Variants in ABCG8 observed in about 807,000 individuals in gnomAD.
ABCG8 encodes the protein ATP binding cassette subfamily G member 8.
In ABCG8, 81 loss-of-function variants were observed where a neutral mutation model predicts 71.3. The observed-to-expected ratio is 1.14, with a 90% CI of 0.95 to 1.37. The LOEUF (loss-of-function observed/expected upper bound fraction) is 1.37, where lower values mean the gene tolerates loss of function less well. ABCG8 is among the 40% of genes most tolerant of loss of function. The pLI is 0.00. For missense variants in ABCG8, 1,119 were observed against 866.2 expected (o/e 1.29, Z -3.66); for synonymous variants, 451 against 354.7 (o/e 1.27, Z -3.05).
chr2:43,862,902 G>T (rs958654168), intron 6 of ABCG8, among the ~76,000 whole-genome samples: 13 of 149,574 alleles, frequency 8.7e-5, no homozygotes, highest in African/African-American at 3.2e-4. Flanking sequence ...TCACCATCTG[G>T]AAACAACTCT....
intron 6 of ABCG8, among the ~76,000 whole-genome samples, chr2:43,866,731 CTTTTA>C (rs1558839415): frequency 7.3e-5 from 11 of 151,434 alleles, no homozygotes; most frequent in African/African-American, 2.7e-4. Context: ...AATAGGAACA[CTTTTA>C]CACTGTTGGT....
intron 6 of ABCG8, among the ~76,000 whole-genome samples, chr2:43,856,142 C>G (rs1669097780): frequency 6.6e-6 from 1 of 152,160 alleles, no homozygotes; most frequent in East Asian, 1.9e-4. Context: ...CACTATGTAT[C>G]TGGATAGAGT....
chr2:43,874,278 T>TAAA, intron 9 of ABCG8, 129 bp from the exon 10 acceptor site: 1 of 735,628 alleles, frequency 1.4e-6, no homozygotes, highest in Admixed American at 2.3e-5. Flanking sequence ...TGTGCCTATT[T>TAAA]AAAAAAAAAA....
chr2:43,875,105 A>T, intron 10 of ABCG8, 41 bp from the exon 11 acceptor site: 2 of 1,613,934 alleles, frequency 1.2e-6, no homozygotes, highest in Non-Finnish European at 1.7e-6. Flanking sequence ...ATGGCAGTGA[A>T]GGTGCTGGCT....
chr2:43,840,408 C>T (rs1668540706), intron 1 of ABCG8, among the ~76,000 whole-genome samples: 1 of 152,204 alleles, frequency 6.6e-6, no homozygotes, highest in South Asian at 2.1e-4. Context: ...GACGATTCAG[C>T]CACCACAGCT....
chr2:43,863,147 C>A (rs1395379902), intron 6 of ABCG8, among the ~76,000 whole-genome samples: 1 of 149,764 alleles, frequency 6.7e-6, no homozygotes, highest in African/African-American at 2.5e-5. Flanking sequence ...ATAACTCTCA[C>A]TATCTGGATA....
intron 8 of ABCG8, 117 bp downstream of exon 8, chr2:43,872,423 G>GA (rs1266320336): frequency 3.5e-5 from 43 of 1,215,716 alleles, no homozygotes; most frequent in South Asian, 1.0e-4. Flanking sequence ...AGAGTCATTT[G>GA]AAAAAAACAG....
Position 43,839,088 on chromosome 2 carries a change from C to T in ABCG8, c.35C>T (p.Pro12Leu), listed in dbSNP as rs760005338. The change falls in exon 1 of 13, where the codon CCG becomes CTG. Residue 12 changes from proline to leucine, a missense_variant. Pro to Leu is a moderately conservative substitution (Grantham distance 98, BLOSUM62 -3). Coordinates refer to ENST00000272286, the MANE Select transcript of ABCG8 (RefSeq NM_022437.3). ...AGKAAEERGL[P>L]KGATPQDTSG... ...AAGGCGGCAGAGGAGAGAGGGCTGCCGAAAGGGGCCACTCCCCAGGATACC... is the reference window on the plus strand; with the variant it reads ...AAGGCGGCAGAGGAGAGAGGGCTGCTGAAAGGGGCCACTCCCCAGGATACC... 2.0e-5 allele frequency: 31 copies of T among 1,551,056 alleles called. No individual in the cohort carries two copies. Among genetic ancestry groups the T allele is most frequent in the Admixed American group, 1.2e-4 (6 of 50,972 alleles).
intron 3 of ABCG8, chr2:43,848,138 AAAAC>A (rs1428647611): frequency 6.6e-6 from 1 of 152,194 alleles, no homozygotes; most frequent in African/African-American, 2.4e-5. Flanking sequence ...ACAAAAACAA[AAAAC>A]AAAACAACAA....
chr2:43,859,757 A>C (rs1404912236), intron 6 of ABCG8, among the ~76,000 whole-genome samples: 9 of 138,058 alleles, frequency 6.5e-5, no homozygotes, highest in Non-Finnish European at 1.3e-4. Flanking sequence ...CTCTCACTAT[A>C]TATCTGGATA....
At chr2:43,863,194 T>C (rs7601130) in intron 6 of ABCG8, among the ~76,000 whole-genome samples, 65,805 of 150,856 alleles carry the variant, frequency 0.44, 15,159 homozygotes, top group East Asian at 0.86. Context: ...TCACTACCTA[T>C]CTGGATATAA....
intron 6 of ABCG8, among the ~76,000 whole-genome samples, chr2:43,858,200 G>T (rs1031967724): frequency 6.6e-6 from 1 of 151,290 alleles, no homozygotes; most frequent in Non-Finnish European, 1.5e-5. Context: ...CTCACTATCT[G>T]GTTAGAATTC....
At chr2:43,872,418 C>T (rs1669815154) in intron 8 of ABCG8, 112 bp downstream of exon 8, 1 of 1,294,732 alleles carries the variant, frequency 7.7e-7, no homozygotes, top group East Asian at 2.5e-5. Flanking sequence ...GAGGTAGAGT[C>T]ATTTGAAAAA....
At chr2:43,853,331 A>C (rs1668991603) in intron 6 of ABCG8, among the ~76,000 whole-genome samples, 1 of 152,106 alleles carries the variant, frequency 6.6e-6, no homozygotes. Flanking sequence ...TAGATGTGAA[A>C]ATTGCTCTGG....
chr2:43,843,230 G>A (rs1458804097), intron 1 of ABCG8, among the ~76,000 whole-genome samples: 2 of 152,160 alleles, frequency 1.3e-5, no homozygotes, highest in Non-Finnish European at 2.9e-5. Context: ...CAAATTCCAA[G>A]CCTGAAGGGT....
At chr2:43,842,601 A>T (rs570529132) in intron 1 of ABCG8, among the ~76,000 whole-genome samples, 65 of 152,100 alleles carry the variant, frequency 4.3e-4, no homozygotes, top group African/African-American at 1.5e-3. Flanking sequence ...TCTCAATTTG[A>T]CAACATATTG....
chr2:43,852,189 G>C (rs1668941296), intron 4 of ABCG8, among the ~76,000 whole-genome samples, 165 bp from the exon 5 acceptor site: 2 of 152,242 alleles, frequency 1.3e-5, no homozygotes, highest in Non-Finnish European at 2.9e-5. Flanking sequence ...CCTGTGGAAA[G>C]AATCAGGGGA....
At chr2:43,863,612 G>A (rs537892997) in intron 6 of ABCG8, among the ~76,000 whole-genome samples, 1 of 149,180 alleles carries the variant, frequency 6.7e-6, no homozygotes, top group Non-Finnish European at 1.5e-5. Context: ...CTCACTATCT[G>A]TCAGGATAAA....
Position 43,878,147 on chromosome 2 carries a change from C to A in ABCG8, c.*234C>A. ...GAGACTGCGATGACTGGGAGAAAAC[C>A]TGCACTCGGTGGCACCTACAACGTT... On this transcript the variant is annotated 3_prime_UTR_variant, in exon 13 of 13. Coordinates refer to ENST00000272286, the MANE Select transcript of ABCG8 (RefSeq NM_022437.3). The A allele has an allele frequency of 1.6e-6, 1 of 610,642 alleles. No individual in the cohort carries two copies. The highest frequency in any genetic ancestry group is 2.9e-6 in the Non-Finnish European group (1 of 348,100). The allele number at this position is 610,642 out of a possible 1,614,324, so 37.8% of individuals were successfully genotyped here.
Sources: allele counts gnomAD v4.1 joint callset (sites outside exome capture counted in the v4.1 genomes callset), GRCh38; gene constraint gnomAD v4.1.1; transcripts MANE v1.5; gene names NCBI Gene and HGNC (gene_info 2026-07-23, HGNC 2026-07-21).